The following CCDC183 variants were observed in gnomAD, a reference collection of about 807,000 sequenced individuals.
CCDC183 encodes coiled-coil domain-containing protein 183.
Under a neutral mutation model 65.2 loss-of-function variants are expected in CCDC183, and 63 were observed. That is an observed-to-expected ratio of 0.97 (90% CI 0.79 to 1.19). The LOEUF is 1.19. CCDC183 is among the 50% of genes most tolerant of loss of function. The probability of loss-of-function intolerance (pLI) is 0.00; values close to 1 mark genes in which losing one functional copy is unlikely to be tolerated. For missense variants in CCDC183, 769 were observed against 689.3 expected (o/e 1.12, Z -1.30); for synonymous variants, 323 against 276.5 (o/e 1.17, Z -1.67).
chr9:136,800,141 C>T lies in CCDC183; in HGVS notation c.410C>T (p.Ala137Val), dbSNP rs1396495225. The change falls in exon 4 of 14, where the codon GCC becomes GTC. Residue 137 changes from alanine to valine, a missense_variant. By Grantham distance (64) the Ala-to-Val change is moderately conservative. Coordinates refer to ENST00000338005, the MANE Select transcript of CCDC183 (RefSeq NM_001039374.5). ...ELDSLRSQPD[A>V]SKEELRLLQI... Reference sequence around the variant, plus strand: ...GACAGCCTGCGGAGCCAGCCCGACGCCAGCAAGGAGGAGCTGCGGCTGCTG... The same window carrying T: ...GACAGCCTGCGGAGCCAGCCCGACGTCAGCAAGGAGGAGCTGCGGCTGCTG... 1 of 1,539,444 alleles carries T rather than the reference C, an allele frequency of 6.5e-7. No individual in the cohort carries two copies. The highest frequency in any genetic ancestry group is 8.7e-7 in the Non-Finnish European group (1 of 1,147,164).
Position 136,804,765 on chromosome 9 carries a change from C to G in CCDC183, c.796C>G (p.Gln266Glu). ...KETSEKYRRGQMDLDFPSNLM... is the reference protein window; with the variant it reads ...KETSEKYRRGEMDLDFPSNLM... Reference sequence around the variant, plus strand: ...CCCCGCCCCCACCTCCCATCAGGGCCAGATGGACTTGGACTTCCCCTCGAA... The same window carrying G: ...CCCCGCCCCCACCTCCCATCAGGGCGAGATGGACTTGGACTTCCCCTCGAA... The change falls in exon 8 of 14, where the codon CAG (glutamine) becomes GAG (glutamate). Residue 266 changes from glutamine (Q) to glutamate (E), a missense_variant. Transcript: ENST00000338005. The surrounding 1 kb of genome is among the most constrained non-coding windows in gnomAD (Gnocchi z 4.1). The G allele has an allele frequency of 6.2e-7, 1 of 1,613,888 alleles. No individual in the cohort carries two copies. The highest frequency in any genetic ancestry group is 8.5e-7 in the Non-Finnish European group (1 of 1,179,930).
intron 1 of CCDC183, among the ~76,000 whole-genome samples, chr9:136,797,927 T>G (rs1847678646): frequency 6.6e-6 from 1 of 152,212 alleles, no homozygotes; most frequent in Non-Finnish European, 1.5e-5. Context: ...TTCGAGCGAT[T>G]CTCCTGGCTC....
intron 6 of CCDC183, among the ~76,000 whole-genome samples, chr9:136,803,213 CTGGGGG>C (rs1564350142): frequency 0.099 from 3,569 of 36,058 alleles, 982 homozygotes; most frequent in Admixed American, 0.16. Context: ...GGGCCCAGGG[CTGGGGG>C]CCCCCCAGGG....
At chr9:136,806,414 A>G in intron 10 of CCDC183, 90 bp from the exon 11 acceptor site, 1 of 1,539,486 alleles carries the variant, frequency 6.5e-7, no homozygotes, top group Non-Finnish European at 8.9e-7. Flanking sequence ...ATTCTGGCAC[A>G]GCACCCAACT....
intron 9 of CCDC183, 193 bp downstream of exon 9, chr9:136,805,650 T>G (rs1847831052): frequency 3.4e-6 from 2 of 589,284 alleles, no homozygotes; most frequent in South Asian, 2.0e-5. Flanking sequence ...TAATCCCATC[T>G]GTGTATCTGC....
chr9:136,798,622 A>G (rs1299185989), intron 1 of CCDC183, among the ~76,000 whole-genome samples: 1 of 152,182 alleles, frequency 6.6e-6, no homozygotes, highest in Non-Finnish European at 1.5e-5. Flanking sequence ...TAATACAGGG[A>G]CAATCCAGGA....
intron 6 of CCDC183, among the ~76,000 whole-genome samples, chr9:136,803,559 C>T (rs1346850856): frequency 6.6e-6 from 1 of 152,188 alleles, no homozygotes; most frequent in Admixed American, 6.5e-5. Flanking sequence ...CCGGGACAGG[C>T]AGACCCTGTC....
chr9:136,800,453 T>A lies in CCDC183; in HGVS notation c.503T>A (p.Ile168Asn). Reference sequence around the variant, plus strand: ...ATCAAGATCATCACCAGCCAGAACATCCACCTGCTGTATTTGGACCTGCTG... The same window carrying A: ...ATCAAGATCATCACCAGCCAGAACAACCACCTGCTGTATTTGGACCTGCTG... ...TMIKIITSQNIHLLYLDLLDY... is the reference protein window; with the variant it reads ...TMIKIITSQNNHLLYLDLLDY... Residue 168 changes from isoleucine (I) to asparagine (N), a missense_variant, in exon 5 of 14, where the codon ATC becomes AAC. Transcript: ENST00000338005. 6.2e-7 allele frequency: 1 copy of A among 1,612,208 alleles called. No homozygotes were observed. Among genetic ancestry groups the A allele is most frequent in the East Asian group, 2.2e-5 (1 of 44,792 alleles).
chr9:136,802,656 C>A lies in CCDC183; in HGVS notation c.544-8C>A. The A allele has an allele frequency of 6.2e-7, 1 of 1,606,708 alleles. No individual in the cohort carries two copies. ...GTAGGGGCCACAAGAGAACCCCATT[C>A]AACACAGGTGCTGGCAGGATACCCC... On this transcript the variant is annotated splice_polypyrimidine_tract_variant and splice_region_variant and intron_variant, in intron 5 of 13. Coordinates refer to ENST00000338005, the MANE Select transcript of CCDC183 (RefSeq NM_001039374.5).
At chr9:136,805,636 A>G (rs574525599) in intron 9 of CCDC183, 179 bp downstream of exon 9, 10 of 596,468 alleles carry the variant, frequency 1.7e-5, no homozygotes, top group African/African-American at 1.7e-4. Flanking sequence ...AAATCCTTTT[A>G]TCTTAATCCC....
At chr9:136,805,702 A>T in intron 9 of CCDC183, 1 of 554,108 alleles carries the variant, frequency 1.8e-6, no homozygotes, top group Non-Finnish European at 3.2e-6. Flanking sequence ...CACTGCCCTG[A>T]CACAAGCTTG....
chr9:136,802,342 CCT>C (rs1423745035), intron 5 of CCDC183, among the ~76,000 whole-genome samples: 7 of 152,142 alleles, frequency 4.6e-5, no homozygotes, highest in Non-Finnish European at 7.3e-5. Flanking sequence ...GTCTTGAGCC[CCT>C]CTGTTTCACT....
In CCDC183 at chr9:136,804,600, G is replaced by A. The variant is rs375507398; in HGVS notation, c.765G>A (p.Thr255=). ...AGAAGCTGATCGACAAGATCCACAC[G>A]AAGGAGACCAGCGAGAAGTACCGCC... ...QQKKLIDKIH[T]KETSEKYRRG... is the part of the protein sequence containing the mutation. The change falls in exon 7 of 14, where the codon ACG becomes ACA. Residue 255 remains threonine (T), a synonymous_variant. Coordinates refer to ENST00000338005, the MANE Select transcript of CCDC183 (RefSeq NM_001039374.5). This position sits in a 1 kb window ranked among gnomAD's most constrained non-coding sequence, Gnocchi z 4.1. 1.2e-4 allele frequency: 190 copies of A among 1,613,592 alleles called. No homozygotes were observed. Among genetic ancestry groups the A allele is most frequent in the Middle Eastern group, 1.6e-4 (1 of 6,082 alleles).
At chr9:136,796,906 G>A (rs969502539) in intron 1 of CCDC183, among the ~76,000 whole-genome samples, 4 of 152,100 alleles carry the variant, frequency 2.6e-5, no homozygotes, top group Non-Finnish European at 5.9e-5. Flanking sequence ...ATATGGCCTC[G>A]TGGGAAAGGA....
At position 136,796,351 on chromosome 9, in the gene CCDC183, G is replaced by A; in HGVS notation, c.-47G>A. On this transcript the variant is annotated 5_prime_UTR_variant, in exon 1 of 14. Transcript: ENST00000338005. ...GCGGCTCTGAGCAAGCTGAGCCCAGGGAGGCTTTGAGGTACACAGGGTCCC... is the reference window on the plus strand; with the variant it reads ...GCGGCTCTGAGCAAGCTGAGCCCAGAGAGGCTTTGAGGTACACAGGGTCCC... 6 of 1,294,236 alleles carry A rather than the reference G, an allele frequency of 4.6e-6. No homozygotes were observed. Among genetic ancestry groups the A allele is most frequent in the Non-Finnish European group, 6.6e-6 (6 of 907,692 alleles). The allele number at this position is 1,294,236 out of a possible 1,614,324, so 80.2% of individuals were successfully genotyped here. A position where few individuals can be genotyped will look rare whatever the true frequency, so the allele number is the denominator to read the frequency against.
Position 136,800,424 on chromosome 9 carries a change from A to G in CCDC183, c.474A>G (p.Thr158=), listed in dbSNP as rs779326965. The G allele has an allele frequency of 6.8e-6, 11 of 1,612,624 alleles. No individual in the cohort carries two copies. The highest frequency in any genetic ancestry group is 9.3e-6 in the Non-Finnish European group (11 of 1,179,480). The change falls in exon 5 of 14, where the codon ACA becomes ACG. Residue 158 remains threonine (T), a synonymous_variant. Coordinates refer to ENST00000338005, the MANE Select transcript of CCDC183 (RefSeq NM_001039374.5). ...IRQLENNIEK[T]MIKIITSQNI... ...AGCTGGAGAACAACATCGAGAAGACAATGATCAAGATCATCACCAGCCAGA... is the reference window on the plus strand; with the variant it reads ...AGCTGGAGAACAACATCGAGAAGACGATGATCAAGATCATCACCAGCCAGA...
At chr9:136,800,758 G>A (rs1325025436) in intron 5 of CCDC183, 10 of 440,850 alleles carry the variant, frequency 2.3e-5, no homozygotes, top group Non-Finnish European at 3.3e-5. Flanking sequence ...TATCTTGCCT[G>A]TCATTTTCTC....
chr9:136,799,878 G>A (rs1847709236), intron 3 of CCDC183, 88 bp downstream of exon 3: 28 of 1,448,250 alleles, frequency 1.9e-5, no homozygotes, highest in Non-Finnish European at 2.5e-5. Context: ...GACGAGGGAC[G>A]GAGCAGGTGC....
chr9:136,805,433 T>G lies in CCDC183; in HGVS notation c.924T>G (p.Ser308Arg). The stretch of plus-strand genomic sequence containing the variant: ...CTGCTGTGGTGGAGAAGGTCAAGAG[T>G]GCTGTACGGTGCTCTCACGTCTGGG... ...GVTAVVEKVK[S>R]AVRCSHVWDI... Residue 308 changes from serine to arginine, a missense_variant, in exon 9 of 14, where the codon AGT becomes AGG. Transcript: ENST00000338005. 1.2e-6 allele frequency: 2 copies of G among 1,613,468 alleles called. No individual in the cohort carries two copies. Among genetic ancestry groups the G allele is most frequent in the Admixed American group, 3.3e-5 (2 of 59,980 alleles).
Sources: allele counts gnomAD v4.1 joint callset (sites outside exome capture counted in the v4.1 genomes callset), GRCh38; gene constraint gnomAD v4.1.1; non-coding constraint Gnocchi (gnomAD v3.1); transcripts MANE v1.5; gene names NCBI Gene and HGNC (gene_info 2026-07-23, HGNC 2026-07-21).